MYRFL: variants seen among roughly 807,000 people sequenced by gnomAD.
MYRFL encodes the protein myelin regulatory factor like.
MYRFL carries 88 observed loss-of-function variants against 109.4 expected under a neutral mutation model. The ratio of observed to expected loss-of-function variants is 0.80; its 90% CI spans 0.68 to 0.96. The LOEUF (loss-of-function observed/expected upper bound fraction) is 0.96, where lower values mean the gene tolerates loss of function less well. MYRFL is among the 40% of genes least tolerant of loss of function. MYRFL has a pLI of 0.00. For missense variants in MYRFL, 957 were observed against 954.9 expected (o/e 1.00, Z -0.03); for synonymous variants, 324 against 320.9 (o/e 1.01, Z -0.10).
At chr12:69,896,802 TC>T (rs1954008776) in intron 9 of MYRFL, among the ~76,000 whole-genome samples, 1 of 152,196 alleles carries the variant, frequency 6.6e-6, no homozygotes, top group Non-Finnish European at 1.5e-5. Flanking sequence ...TGCTGAGGGC[TC>T]AGGACTGCAG....
intron 5 of MYRFL, 135 bp from the exon 6 acceptor site, chr12:69,886,682 ACCT>A: frequency 1.9e-6 from 2 of 1,037,010 alleles, no homozygotes; most frequent in South Asian, 1.7e-5. Flanking sequence ...TCAGCAACAC[ACCT>A]CCTACCCCCA....
chr12:69,855,392 C>G, intron 2 of MYRFL, 22 bp downstream of exon 2: 1 of 701,256 alleles, frequency 1.4e-6, no homozygotes, highest in Non-Finnish European at 2.6e-6. Context: ...GAGCACTGCT[C>G]TCTAGTTGAT....
chr12:69,839,250 A>T (rs1441159290), intron 1 of MYRFL, among the ~76,000 whole-genome samples: 1 of 152,170 alleles, frequency 6.6e-6, no homozygotes, highest in African/African-American at 2.4e-5. Context: ...GCTTTATCAG[A>T]TGAATTGTAA....
intron 1 of MYRFL, among the ~76,000 whole-genome samples, chr12:69,842,317 ACT>A (rs1883291310): frequency 6.6e-6 from 1 of 152,066 alleles, no homozygotes; most frequent in Non-Finnish European, 1.5e-5. Context: ...ATTTTCAATG[ACT>A]CTATCACTTT....
chr12:69,883,016 A>C lies in MYRFL; in HGVS notation c.556+2724A>C, dbSNP rs114443342. Among the ~76,000 whole-genome samples the C allele has an allele frequency of 4.6e-3, 707 of 152,342 alleles. 10 individuals are homozygous for C. The highest frequency in any genetic ancestry group is 0.016 in the African/African-American group (661 of 41,574). On this transcript the variant is annotated intron_variant, in intron 5 of 24. Transcript: ENST00000552032. ...AGACTTTTTAAAGTAAGTTATGCAA[A>C]CATATTTTGAAAGGCATTCAAATGC... is the stretch of plus-strand genomic sequence containing the variant.
chr12:69,897,629 A>G (rs959489611), intron 10 of MYRFL, among the ~76,000 whole-genome samples: 4 of 152,248 alleles, frequency 2.6e-5, no homozygotes, highest in Non-Finnish European at 4.4e-5. Flanking sequence ...AACAATTTAT[A>G]TATGACATCA....
chr12:69,836,076 G>A (rs1234203664), intron 1 of MYRFL, among the ~76,000 whole-genome samples: 2 of 152,208 alleles, frequency 1.3e-5, no homozygotes, highest in Non-Finnish European at 2.9e-5. Flanking sequence ...TTTATTGACT[G>A]GAAGTAGCTC....
intron 13 of MYRFL, among the ~76,000 whole-genome samples, chr12:69,919,447 A>G (rs1000850360): frequency 5.3e-5 from 8 of 152,226 alleles, no homozygotes; most frequent in Admixed American, 3.3e-4. Flanking sequence ...TGCTCTTTCC[A>G]TGTAAACCAG....
At chr12:69,853,271 T>C (rs1033039258) in intron 1 of MYRFL, among the ~76,000 whole-genome samples, 2 of 149,634 alleles carry the variant, frequency 1.3e-5, no homozygotes, top group African/African-American at 5.0e-5. Flanking sequence ...GCCCCCCATC[T>C]CCTGGACAGG....
chr12:69,835,938 G>A (rs1207479515), intron 1 of MYRFL, among the ~76,000 whole-genome samples: 1 of 152,186 alleles, frequency 6.6e-6, no homozygotes, highest in East Asian at 1.9e-4. Flanking sequence ...CTATAGGCTT[G>A]TGTTAACCAC....
intron 19 of MYRFL, among the ~76,000 whole-genome samples, chr12:69,947,852 T>C (rs1468966679): frequency 6.6e-6 from 1 of 152,178 alleles, no homozygotes; most frequent in Admixed American, 6.5e-5. Flanking sequence ...CAAGATGCTG[T>C]ACTGGACTCA....
chr12:69,835,158 T>C (rs1324563054), intron 1 of MYRFL, among the ~76,000 whole-genome samples: 3 of 152,192 alleles, frequency 2.0e-5, no homozygotes, highest in African/African-American at 7.2e-5. Context: ...ATCTATCAAC[T>C]GTCTTTCAGG....
intron 2 of MYRFL, among the ~76,000 whole-genome samples, chr12:69,863,918 T>G (rs999896941): frequency 2.0e-5 from 3 of 152,224 alleles, no homozygotes; most frequent in Admixed American, 6.5e-5. Flanking sequence ...TTGCTGAATA[T>G]GAAATACTTG....
At chr12:69,933,090 A>C (rs1459782715) in intron 16 of MYRFL, among the ~76,000 whole-genome samples, 2 of 152,248 alleles carry the variant, frequency 1.3e-5, no homozygotes, top group Non-Finnish European at 2.9e-5. Context: ...ACCAAGATAT[A>C]CCATGTGATG....
At chr12:69,845,497 A>G (rs888350583) in intron 1 of MYRFL, among the ~76,000 whole-genome samples, 1 of 152,094 alleles carries the variant, frequency 6.6e-6, no homozygotes, top group Non-Finnish European at 1.5e-5. Context: ...GATATATTCC[A>G]CTCATTTTCA....
chr12:69,938,860 G>A (rs557282119), intron 19 of MYRFL, among the ~76,000 whole-genome samples: 11 of 152,254 alleles, frequency 7.2e-5, no homozygotes, highest in African/African-American at 2.4e-4. Context: ...CCGAAGCAGG[G>A]CGAGGCATTG....
At chr12:69,867,598 C>T (rs568215354) in intron 2 of MYRFL, among the ~76,000 whole-genome samples, 49 of 152,230 alleles carry the variant, frequency 3.2e-4, no homozygotes, top group African/African-American at 1.2e-3. Context: ...CATTTTATTT[C>T]GTTCTAATGT....
At chr12:69,856,028 A>G (rs997925223) in intron 2 of MYRFL, among the ~76,000 whole-genome samples, 5 of 152,138 alleles carry the variant, frequency 3.3e-5, no homozygotes, top group Non-Finnish European at 7.4e-5. Flanking sequence ...AACCACTACC[A>G]TTATCATAAC....
chr12:69,920,449 C>T (rs1954874915), intron 13 of MYRFL, among the ~76,000 whole-genome samples: 1 of 152,178 alleles, frequency 6.6e-6, no homozygotes, highest in African/African-American at 2.4e-5. Context: ...TATGACCTTT[C>T]AGTGCCTCGT....
Sources: gnomAD v4.1 joint callset for allele counts (sites outside exome capture counted in the v4.1 genomes callset) on GRCh38, gnomAD v4.1.1 for gene constraint, MANE v1.5 for transcripts, NCBI Gene and HGNC (gene_info 2026-07-23, HGNC 2026-07-21) for gene names.